Variants in VPS9D1 observed in about 807,000 individuals in gnomAD.
VPS9D1 encodes VPS9 domain-containing protein 1.
A neutral mutation model predicts 75.8 loss-of-function variants in VPS9D1; 78 were observed. That is an observed-to-expected ratio of 1.03 (90% CI 0.86 to 1.24). The LOEUF is 1.24. VPS9D1 is among the 50% of genes most tolerant of loss of function. VPS9D1 has a pLI of 0.00. For synonymous variants in VPS9D1, 481 were observed against 385.6 expected (o/e 1.25, Z -2.90); for missense variants, 1,057 against 847.7 (o/e 1.25, Z -3.07).
At chr16:89,713,686 G>A (rs777965998) in intron 4 of VPS9D1, among the ~76,000 whole-genome samples, 1 of 151,780 alleles carries the variant, frequency 6.6e-6, no homozygotes, top group South Asian at 2.1e-4. Flanking sequence ...TTCGAATGTG[G>A]CCCAACACAA....
chr16:89,711,736 G>A, intron 8 of VPS9D1, 146 bp downstream of exon 8: 1 of 1,016,464 alleles, frequency 9.8e-7, no homozygotes, highest in Non-Finnish European at 1.4e-6. Context: ...CCCCTCACCG[G>A]GCCCTCCCAC....
chr16:89,720,509 G>T lies in VPS9D1; in HGVS notation c.99+254C>A. The T allele has an allele frequency of 2.6e-6, 3 of 1,142,556 alleles. No homozygotes were observed. The African/African-American group carries it at 4.9e-5, about 19-fold the overall frequency. The allele number at this position is 1,142,556 out of a possible 1,614,324, so 70.8% of individuals were successfully genotyped here. ...TCCTGCTACATCTCCTCTACAGGTG[G>T]AGCCCAGGCTGTGATGCACCGGCTC... On this transcript the variant is annotated intron_variant, in intron 1 of 14. Coordinates refer to ENST00000389386, the MANE Select transcript of VPS9D1 (RefSeq NM_004913.3).
chr16:89,708,646 C>T (rs929143006), intron 13 of VPS9D1, 115 bp from the exon 14 acceptor site: 241 of 1,230,986 alleles, frequency 2.0e-4, no homozygotes, highest in Non-Finnish European at 2.5e-4. Context: ...CCCTTCTGCG[C>T]AGAGGCACCG....
In VPS9D1 at chr16:89,711,429, C is replaced by T. The variant is rs752971331; in HGVS notation, c.748-17G>A. On this transcript the variant is annotated splice_polypyrimidine_tract_variant and intron_variant, in intron 8 of 14. Transcript: ENST00000389386. ...CGGCCAGTCCTACGGGACAGGGGGC[C>T]TTGAAGGAAAGCACGGTGGGTCCGC... 1 of 1,594,694 alleles carries T rather than the reference C, an allele frequency of 6.3e-7. No individual in the cohort carries two copies. Among genetic ancestry groups the T allele is most frequent in the Non-Finnish European group, 8.5e-7 (1 of 1,170,794 alleles).
rs1296973089 is a variant in VPS9D1, at chr16:89,710,877, G to A, written c.967C>T (p.Arg323Ter). ...CCPPTPNPGS[R>*]RLRPSQSLHC... ...AGGCTCTGCGAGGGCCGCAGCCGTC[G>A]GCTTCCGGGGTTGGGGGTCGGGGGG... is the stretch of plus-strand genomic sequence containing the variant. Residue 323 changes from arginine (R) to a stop codon, truncating the protein, a stop_gained, in exon 10 of 15, where the codon CGA (arginine) becomes TGA (stop). Transcript: ENST00000389386. LOFTEE classifies it high-confidence loss of function. 1 of 1,502,550 alleles carries A rather than the reference G, an allele frequency of 6.7e-7. No homozygotes were observed. Among genetic ancestry groups the A allele is most frequent in the Admixed American group, 2.2e-5 (1 of 46,086 alleles). The allele number at this position is 1,502,550 out of a possible 1,614,324, so 93.1% of individuals were successfully genotyped here. A position where few individuals can be genotyped will look rare whatever the true frequency, so the allele number is the denominator to read the frequency against.
At chr16:89,716,668 CCA>C in intron 3 of VPS9D1, 44 bp from the exon 4 acceptor site, 1 of 1,603,202 alleles carries the variant, frequency 6.2e-7, no homozygotes. Flanking sequence ...GGGCCACATC[CCA>C]CAGAGGAGAT....
Position 89,710,898 on chromosome 16 carries a change from G to C in VPS9D1, c.946C>G (p.Pro316Ala), listed in dbSNP as rs369731201. ...AAAPAPGCCP[P>A]TPNPGSRRLR... ...CGTCGGCTTCCGGGGTTGGGGGTCG[G>C]GGGGCAGCAGCCTGGGGCTGGCGCG... Residue 316 changes from proline (P) to alanine (A), a missense_variant, in exon 10 of 15, where the codon CCG (proline) becomes GCG (alanine). By Grantham distance (27) the Pro-to-Ala change is conservative. Transcript: ENST00000389386. 2.0e-6 allele frequency: 3 copies of C among 1,496,536 alleles called. No homozygotes were observed. In the South Asian group the frequency reaches 3.9e-5, roughly 19 times the overall value. The allele number at this position is 1,496,536 out of a possible 1,614,324, so 92.7% of individuals were successfully genotyped here. A position where few individuals can be genotyped will look rare whatever the true frequency, so the allele number is the denominator to read the frequency against.
At chr16:89,720,531 G>A in intron 1 of VPS9D1, 1 of 1,162,286 alleles carries the variant, frequency 8.6e-7, no homozygotes, top group Non-Finnish European at 1.1e-6. Context: ...TGATGCACCG[G>A]CTCAGCGAGC....
chr16:89,709,953 T>A, intron 10 of VPS9D1, 47 bp from the exon 11 acceptor site: 1 of 1,547,254 alleles, frequency 6.5e-7, no homozygotes, highest in Non-Finnish European at 8.7e-7. Flanking sequence ...CCTCCCCTGC[T>A]GGGTCAAGTG....
At chr16:89,718,998 G>A (rs1380802902) in intron 2 of VPS9D1, 29 bp downstream of exon 2, 1 of 1,602,944 alleles carries the variant, frequency 6.2e-7, no homozygotes. Context: ...ACAGGCGTGA[G>A]CCACCGCGCC....
At chr16:89,718,956 AG>A (rs2061162331) in intron 2 of VPS9D1, 70 bp downstream of exon 2, 1 of 1,352,414 alleles carries the variant, frequency 7.4e-7, no homozygotes, top group African/African-American at 1.4e-5. Flanking sequence ...CTCAGGTGAT[AG>A]CCCGCCTCTG....
chr16:89,719,034 G>A lies in VPS9D1; in HGVS notation c.168C>T (p.Thr56=), dbSNP rs746872380. Reference sequence around the variant, plus strand: ...CGGCTGGCTGAGCCGTACCTTTAGTGGTTTCCACTTCTTCTAGTAACACCT... The same window carrying A: ...CGGCTGGCTGAGCCGTACCTTTAGTAGTTTCCACTTCTTCTAGTAACACCT... ...ISQVLLEEVE[T]TKEAGETVPP... is the part of the protein sequence containing the mutation. Residue 56 remains threonine, a synonymous_variant, in exon 2 of 15, where the codon ACC becomes ACT. Transcript: ENST00000389386. The A allele has an allele frequency of 8.7e-6, 14 of 1,613,094 alleles. No homozygotes were observed. The highest frequency in any genetic ancestry group is 1.3e-5 in the African/African-American group (1 of 74,922).
chr16:89,719,259 G>C, intron 1 of VPS9D1, 157 bp from the exon 2 acceptor site: 1 of 730,660 alleles, frequency 1.4e-6, no homozygotes, highest in South Asian at 1.4e-5. Flanking sequence ...GTTAGCTGCA[G>C]CCGGAACACG....
rs1265145928 is a variant in VPS9D1, at chr16:89,709,227, C to T, written c.1597G>A (p.Val533Met). 5 of 1,611,898 alleles carry T rather than the reference C, an allele frequency of 3.1e-6. No individual in the cohort carries two copies. The highest frequency in any genetic ancestry group is 1.3e-5 in the African/African-American group (1 of 74,886). ...CCCCCTGACTCTCGAACCTGCTGAC[C>T]TATGCACTCCAGCTTCTTCTGGGGG... ...SCPQKKLECI[V>M]RTLRIICVCA... is the part of the protein sequence containing the mutation. Residue 533 changes from valine (V) to methionine (M), a missense_variant and splice_region_variant, in exon 12 of 15, where the codon GTG (valine) becomes ATG (methionine). By Grantham distance (21) the Val-to-Met change is conservative. Coordinates refer to ENST00000389386, the MANE Select transcript of VPS9D1 (RefSeq NM_004913.3).
At chr16:89,720,449 G>A (rs1438338190) in intron 1 of VPS9D1, 21 of 1,066,906 alleles carry the variant, frequency 2.0e-5, no homozygotes, top group Non-Finnish European at 2.4e-5. Flanking sequence ...GGACCTGCCC[G>A]TCACTCGGAT....
chr16:89,707,865 T>C lies in VPS9D1; in HGVS notation c.1892A>G (p.Lys631Arg). Residue 631 changes from lysine (K) to arginine (R), a missense_variant, in exon 15 of 15, where the codon AAG becomes AGG. Physicochemically the swap from Lys to Arg is conservative, Grantham distance 26. Transcript: ENST00000389386. ...GGACCCTGGGCTCTAGCTGTACTAC[T>C]TGGCCAGGCCTCCCCGGGGCAGCAG... ...VELLPRGGLA[K>R] The C allele has an allele frequency of 6.2e-7, 1 of 1,613,002 alleles. No individual in the cohort carries two copies. Among genetic ancestry groups the C allele is most frequent in the Non-Finnish European group, 8.5e-7 (1 of 1,179,928 alleles).
Position 89,719,117 on chromosome 16 carries a change from GAGAA to G in VPS9D1, c.100-19_100-16del, listed in dbSNP as rs778621176. ...GTGTATGCCTCCTGTGTCCAGGAAA[GAGAA>G]AGAGTGGGGTCAGGCCAGTGGAGGG... is the stretch of plus-strand genomic sequence containing the variant. On this transcript the variant is annotated splice_polypyrimidine_tract_variant and intron_variant, in intron 1 of 14. Coordinates refer to ENST00000389386, the MANE Select transcript of VPS9D1 (RefSeq NM_004913.3). The G allele has an allele frequency of 3.7e-6, 6 of 1,612,552 alleles. No individual in the cohort carries two copies. In the South Asian group the frequency reaches 6.6e-5, roughly 18 times the overall value.
rs903907115 is a variant in VPS9D1, at chr16:89,712,356, C to T, written c.606+104G>A. On this transcript the variant is annotated intron_variant, in intron 6 of 14. Transcript: ENST00000389386. ...CGGGGAGCCCCTCGGCCCTGTACCC[C>T]GACCCCGGAACCTCCGCTCCCCTCG... is the stretch of plus-strand genomic sequence containing the variant. 1.2e-5 allele frequency: 19 copies of T among 1,535,252 alleles called. No individual in the cohort carries two copies. In the East Asian group the frequency reaches 4.2e-4, roughly 34 times the overall value.
In VPS9D1 at chr16:89,707,564, A is replaced by C. The variant is rs933992726; in HGVS notation, c.*297T>G. 3.5e-5 allele frequency: 12 copies of C among 341,884 alleles called. No individual in the cohort carries two copies. The highest frequency in any genetic ancestry group is 2.1e-4 in the African/African-American group (10 of 47,330). The allele number at this position is 341,884 out of a possible 1,614,324, so 21.2% of individuals were successfully genotyped here. A position where few individuals can be genotyped will look rare whatever the true frequency, so the allele number is the denominator to read the frequency against. On this transcript the variant is annotated 3_prime_UTR_variant, in exon 15 of 15. Transcript: ENST00000389386. Reference sequence around the variant, plus strand: ...CTGAGCCTGCACCCACCGAAGCCCAAAGCTTCCCTTCTTGGCCTCTCTGAG... The same window carrying C: ...CTGAGCCTGCACCCACCGAAGCCCACAGCTTCCCTTCTTGGCCTCTCTGAG...
Sources: gnomAD v4.1 joint callset for allele counts (sites outside exome capture counted in the v4.1 genomes callset) on GRCh38, gnomAD v4.1.1 for gene constraint, MANE v1.5 for transcripts, NCBI Gene and HGNC (gene_info 2026-07-23, HGNC 2026-07-21) for gene names.